The following RASSF3 variants were observed in gnomAD, a reference collection of about 807,000 sequenced individuals.
RASSF3 encodes the protein ras association domain-containing protein 3.
In RASSF3, 19 loss-of-function variants were observed where a neutral mutation model predicts 19.9. The ratio of observed to expected loss-of-function variants is 0.96; its 90% confidence interval spans 0.67 to 1.40. RASSF3 has a LOEUF of 1.40. RASSF3 is among the 40% of genes most tolerant of loss of function. The pLI, the probability that RASSF3 is intolerant of heterozygous loss-of-function variation, is 0.00. For synonymous variants in RASSF3, 110 were observed against 104.2 expected (o/e 1.06, Z -0.34); for missense variants, 306 against 289.8 (o/e 1.06, Z -0.41).
At chr12:64,596,676 T>TG (rs1870003330) in intron 2 of RASSF3, among the ~76,000 whole-genome samples, 1 of 152,218 alleles carries the variant, frequency 6.6e-6, no homozygotes, top group African/African-American at 2.4e-5. Flanking sequence ...TGTCATGCCC[T>TG]GACTCCACTA....
intron 2 of RASSF3, among the ~76,000 whole-genome samples, chr12:64,605,117 C>T (rs911455854): frequency 4.6e-5 from 7 of 151,956 alleles, no homozygotes; most frequent in African/African-American, 1.4e-4. Flanking sequence ...TCCTGAGTAG[C>T]TGGGATTGCA....
At chr12:64,616,021 C>T (rs1870540633) in intron 1 of RASSF3, among the ~76,000 whole-genome samples, 1 of 152,152 alleles carries the variant, frequency 6.6e-6, no homozygotes, top group African/African-American at 2.4e-5. Context: ...TATTATGGGG[C>T]ATAAACATTT....
At chr12:64,630,485 C>A (rs1871137267) in intron 1 of RASSF3, among the ~76,000 whole-genome samples, 1 of 152,124 alleles carries the variant, frequency 6.6e-6, no homozygotes, top group East Asian at 1.9e-4. Flanking sequence ...ATGGTCACAC[C>A]ACTGCACTGT....
intron 3 of RASSF3, among the ~76,000 whole-genome samples, chr12:64,689,970 T>C (rs1451168478): frequency 6.6e-6 from 1 of 151,264 alleles, no homozygotes; most frequent in Non-Finnish European, 1.5e-5. Context: ...TTTGTGTTTT[T>C]AGTAGAGACG....
intron 1 of RASSF3, among the ~76,000 whole-genome samples, chr12:64,618,542 T>C (rs1051566035): frequency 1.3e-5 from 2 of 152,144 alleles, no homozygotes; most frequent in Admixed American, 6.6e-5. Context: ...TTGGCCAGAC[T>C]GGTCTCAAAC....
chr12:64,693,329 G>A (rs1868311962), intron 4 of RASSF3, among the ~76,000 whole-genome samples: 1 of 152,008 alleles, frequency 6.6e-6, no homozygotes, highest in Non-Finnish European at 1.5e-5. Flanking sequence ...TTTGGGAGAG[G>A]AGGATGTGTT....
intron 2 of RASSF3, among the ~76,000 whole-genome samples, chr12:64,599,599 G>A (rs549217339): frequency 2.6e-5 from 4 of 152,308 alleles, no homozygotes; most frequent in South Asian, 2.1e-4. Context: ...TGAGCCCGAA[G>A]GCTGTGTAGT....
At chr12:64,556,019 A>G (rs758720546) in intron 2 of RASSF3, among the ~76,000 whole-genome samples, 5 of 152,244 alleles carry the variant, frequency 3.3e-5, no homozygotes, top group Non-Finnish European at 7.3e-5. Context: ...TTACCGTGGG[A>G]ATGTCTGTGA....
At chr12:64,542,513 C>G (rs1868950745), downstream of RASSF3, among the ~76,000 whole-genome samples, 1 of 152,230 alleles carries the variant, frequency 6.6e-6, no homozygotes, top group Non-Finnish European at 1.5e-5. Flanking sequence ...GGAAGGGGTA[C>G]AGCTGGCAGT....
At chr12:64,535,475 C>G (rs1318988576) in intron 1 of RASSF3, among the ~76,000 whole-genome samples, 2 of 151,994 alleles carry the variant, frequency 1.3e-5, no homozygotes, top group African/African-American at 4.8e-5. Context: ...AGTGATCCTC[C>G]CACCTCAGCC....
At chr12:64,515,272 A>G (rs1458141141) in intron 1 of RASSF3, among the ~76,000 whole-genome samples, 3 of 151,870 alleles carry the variant, frequency 2.0e-5, no homozygotes, top group Non-Finnish European at 4.4e-5. Context: ...GGCCAGGCTG[A>G]TCTCGAACTC....
At chr12:64,661,494 G>T (rs775857338) in intron 1 of RASSF3, among the ~76,000 whole-genome samples, 1 of 151,800 alleles carries the variant, frequency 6.6e-6, no homozygotes, top group African/African-American at 2.4e-5. Context: ...AAAAAAAAGG[G>T]GCGCAGGGGG....
chr12:64,652,748 T>A (rs1313757044), intron 1 of RASSF3, among the ~76,000 whole-genome samples: 1 of 152,234 alleles, frequency 6.6e-6, no homozygotes, highest in Non-Finnish European at 1.5e-5. Context: ...CACACTCTTA[T>A]TATTTTCTAA....
chr12:64,511,935 C>T (rs1195783454), intron 1 of RASSF3, among the ~76,000 whole-genome samples: 1 of 152,102 alleles, frequency 6.6e-6, no homozygotes, highest in Non-Finnish European at 1.5e-5. Context: ...CATGTTTTAT[C>T]AGTTAATGAG....
chr12:64,682,354 A>G (rs920249950), intron 1 of RASSF3, among the ~76,000 whole-genome samples: 3 of 151,950 alleles, frequency 2.0e-5, no homozygotes, highest in Non-Finnish European at 2.9e-5. Flanking sequence ...GGCGGATCAC[A>G]AGGTCAGGAG....
At chr12:64,678,020 A>G (rs1460771613) in intron 1 of RASSF3, among the ~76,000 whole-genome samples, 1 of 152,192 alleles carries the variant, frequency 6.6e-6, no homozygotes, top group African/African-American at 2.4e-5. Flanking sequence ...TTCAGTGGAA[A>G]TGTCTCTCCC....
At chr12:64,628,660 C>T (rs1178296951) in intron 1 of RASSF3, 1 of 152,122 alleles carries the variant, frequency 6.6e-6, no homozygotes, top group African/African-American at 2.4e-5. Flanking sequence ...CCACACTTGC[C>T]TAATTTTTGT....
At chr12:64,562,624 A>T (rs1210363906) in intron 2 of RASSF3, among the ~76,000 whole-genome samples, 1 of 150,964 alleles carries the variant, frequency 6.6e-6, no homozygotes, top group Non-Finnish European at 1.5e-5. Flanking sequence ...TTTAAATTTT[A>T]TTTATTTTAT....
intron 2 of RASSF3, among the ~76,000 whole-genome samples, chr12:64,552,355 A>G (rs1254262637): frequency 6.6e-6 from 1 of 151,798 alleles, no homozygotes; most frequent in Non-Finnish European, 1.5e-5. Flanking sequence ...GTGCAGGTAC[A>G]TGTGCAGGAT....
Sources: gnomAD v4.1 joint callset for allele counts (sites outside exome capture counted in the v4.1 genomes callset) on GRCh38, gnomAD v4.1.1 for gene constraint, MANE v1.5 for transcripts, NCBI Gene and HGNC (gene_info 2026-07-23, HGNC 2026-07-21) for gene names.